Variants in TANK observed in about 807,000 individuals in gnomAD.
TANK encodes the protein TRAF family member-associated NF-kappa-B activator.
In TANK, 15 loss-of-function variants were observed where a neutral mutation model predicts 43.6. The observed-to-expected ratio is 0.34, with a 90% CI of 0.23 to 0.53. The LOEUF (loss-of-function observed/expected upper bound fraction) is 0.53, where lower values mean the gene tolerates loss of function less well. Ranked by LOEUF, TANK falls within the 20% of genes least tolerant of loss-of-function variation. The probability of loss-of-function intolerance (pLI) is 0.94; values close to 1 mark genes in which losing one functional copy is unlikely to be tolerated. For synonymous variants in TANK, 162 were observed against 178.2 expected (o/e 0.91, Z 0.73); for missense variants, 417 against 498.6 (o/e 0.84, Z 1.56).
chr2:161,140,318 T>C (rs2105208373), intron 1 of TANK, among the ~76,000 whole-genome samples: 1 of 152,264 alleles, frequency 6.6e-6, no homozygotes, highest in South Asian at 2.1e-4. Flanking sequence ...TATGCTATTT[T>C]TCATGCAGCT....
At chr2:161,204,824 T>C in intron 4 of TANK, 31 bp downstream of exon 4, 1 of 1,597,586 alleles carries the variant, frequency 6.3e-7, no homozygotes, top group Non-Finnish European at 8.5e-7. Flanking sequence ...AAGCAGCATT[T>C]AAATGCTGAT....
intron 1 of TANK, among the ~76,000 whole-genome samples, chr2:161,169,559 A>G (rs1223375961): frequency 6.6e-6 from 1 of 152,236 alleles, no homozygotes; most frequent in Non-Finnish European, 1.5e-5. Flanking sequence ...TGGCAGTATT[A>G]CATGTTATTT....
At chr2:161,145,992 C>T (rs1415501742) in intron 1 of TANK, among the ~76,000 whole-genome samples, 1 of 152,152 alleles carries the variant, frequency 6.6e-6, no homozygotes, top group Non-Finnish European at 1.5e-5. Flanking sequence ...TTTACATAGT[C>T]CCATATTTCT....
At chr2:161,154,056 C>T (rs1036919526) in intron 1 of TANK, among the ~76,000 whole-genome samples, 3 of 152,076 alleles carry the variant, frequency 2.0e-5, no homozygotes, top group African/African-American at 7.2e-5. Flanking sequence ...AATGGCCATC[C>T]TAAGCTTAAA....
intron 1 of TANK, among the ~76,000 whole-genome samples, chr2:161,166,826 C>G (rs1489533660): frequency 6.6e-6 from 1 of 152,008 alleles, no homozygotes; most frequent in Non-Finnish European, 1.5e-5. Flanking sequence ...AACAAAAACA[C>G]AGAATTTGTC....
At chr2:161,160,581 A>G (rs1341410442) in intron 1 of TANK, 95 bp downstream of exon 1, 3 of 1,044,302 alleles carry the variant, frequency 2.9e-6, no homozygotes, top group Non-Finnish European at 3.8e-6. Context: ...CGCTGACAGT[A>G]GGGGCGCCGC....
chr2:161,137,119 G>A, intron 1 of TANK: 3 of 985,448 alleles, frequency 3.0e-6, no homozygotes, highest in Non-Finnish European at 3.6e-6. Flanking sequence ...GGGCCTGGAT[G>A]TCTTAAACTG....
chr2:161,180,958 T>G (rs1434430589), intron 2 of TANK, among the ~76,000 whole-genome samples: 2 of 150,308 alleles, frequency 1.3e-5, no homozygotes, highest in South Asian at 2.1e-4. Flanking sequence ...TCAACCAAAA[T>G]TCCAGATTCT....
intron 4 of TANK, chr2:161,223,092 T>C (rs1687431517): frequency 6.6e-6 from 1 of 152,086 alleles, no homozygotes; most frequent in South Asian, 2.1e-4. Flanking sequence ...AAGACAGATA[T>C]CCACTGGTTT....
intron 4 of TANK, among the ~76,000 whole-genome samples, chr2:161,207,204 T>A (rs1361341490): frequency 6.6e-6 from 1 of 152,138 alleles, no homozygotes; most frequent in Non-Finnish European, 1.5e-5. Context: ...TAAGTTTAAG[T>A]AACAGAAATC....
chr2:161,209,215 A>G (rs1686776728), intron 4 of TANK, among the ~76,000 whole-genome samples: 1 of 152,214 alleles, frequency 6.6e-6, no homozygotes, highest in African/African-American at 2.4e-5. Flanking sequence ...ATGCTTAGAG[A>G]ACTAAGAAAT....
chr2:161,150,650 A>T (rs1684051330), intron 1 of TANK, among the ~76,000 whole-genome samples: 1 of 142,206 alleles, frequency 7.0e-6, no homozygotes, highest in Non-Finnish European at 1.5e-5. Flanking sequence ...AGGCTGGTGC[A>T]ATCTTGGCTC....
intron 1 of TANK, among the ~76,000 whole-genome samples, chr2:161,151,307 C>T (rs542540500): frequency 6.6e-6 from 1 of 152,150 alleles, no homozygotes; most frequent in East Asian, 1.9e-4. Flanking sequence ...TACTATTTTT[C>T]AAGTTGTCTA....
At chr2:161,203,034 T>G (rs1482938408) in intron 2 of TANK, 3 of 273,938 alleles carry the variant, frequency 1.1e-5, no homozygotes, top group Non-Finnish European at 2.2e-5. Context: ...CAACACTTCC[T>G]TAGTGTTTGT....
rs1229880922 is a variant in TANK at position 161,160,561 on chromosome 2, G to A, written c.-50+75G>A. The A allele has an allele frequency of 5.1e-6, 6 of 1,167,956 alleles. No homozygotes were observed. In the East Asian group the frequency reaches 1.5e-4, roughly 28 times the overall value. 72.3% of individuals were successfully genotyped at this position (1,167,956 alleles called of 1,614,324 possible). ...CGTCGGAGAATTTGTATGCGTGAGC[G>A]AGAGGGACGCGCTGACAGTAGGGGC... On this transcript the variant is annotated intron_variant, in intron 1 of 7. Transcript: ENST00000392749.
At chr2:161,155,220 C>T (rs920640126) in intron 1 of TANK, among the ~76,000 whole-genome samples, 1 of 152,058 alleles carries the variant, frequency 6.6e-6, no homozygotes, top group African/African-American at 2.4e-5. Context: ...ACCTCTCTCC[C>T]ACCCACTTGC....
chr2:161,211,721 A>G (rs560787117), intron 4 of TANK: 33 of 976,936 alleles, frequency 3.4e-5, no homozygotes, highest in Non-Finnish European at 2.3e-5. Flanking sequence ...AATCTTTTCT[A>G]TCTTTTATCA....
chr2:161,225,208 G>T (rs1365471045), intron 6 of TANK, among the ~76,000 whole-genome samples: 2 of 151,976 alleles, frequency 1.3e-5, no homozygotes, highest in Non-Finnish European at 2.9e-5. Context: ...CATACACTAT[G>T]GATAGATGTT....
chr2:161,185,029 C>T (rs1225467935), intron 2 of TANK, among the ~76,000 whole-genome samples: 1 of 152,130 alleles, frequency 6.6e-6, no homozygotes, highest in Non-Finnish European at 1.5e-5. Context: ...GAAGATCAGT[C>T]ACTTGGCCTC....
Sources: gnomAD v4.1 joint callset for allele counts (sites outside exome capture counted in the v4.1 genomes callset) on GRCh38, gnomAD v4.1.1 for gene constraint, MANE v1.5 for transcripts, NCBI Gene and HGNC (gene_info 2026-07-23, HGNC 2026-07-21) for gene names.